Variants in KLF12 observed in about 807,000 individuals in gnomAD.
KLF12 encodes the protein KLF transcription factor 12.
Under a neutral mutation model 37.8 loss-of-function variants are expected in KLF12, and 9 were observed. That is an observed-to-expected ratio of 0.24 (90% CI 0.14 to 0.42). The LOEUF is 0.42. KLF12 is among the 10% of genes least tolerant of loss of function. KLF12 has a pLI of 1.00. For missense variants in KLF12, 411 were observed against 516.0 expected, an observed-to-expected ratio of 0.80 and a Z score of 1.97; for synonymous variants, 208 against 202.1, an observed-to-expected ratio of 1.03 and a Z score of -0.25.
chr13:73,720,380 A>C (rs200381578), intron 6 of KLF12, among the ~76,000 whole-genome samples: 301 of 24,416 alleles, frequency 0.012, 2 homozygotes, highest in African/African-American at 0.022. Flanking sequence ...GGGAATGTGC[A>C]AGTAACTACT....
the KLF12 span, among the ~76,000 whole-genome samples, chr13:74,202,704 T>C: frequency 6.6e-6 from 1 of 152,138 alleles, no homozygotes. Context: ...CTAACCCCCA[T>C]TCCATATCCA....
At chr13:73,905,369 TATG>T (rs1347708774) in intron 3 of KLF12, among the ~76,000 whole-genome samples, 5 of 152,076 alleles carry the variant, frequency 3.3e-5, no homozygotes, top group African/African-American at 1.2e-4. Context: ...TCTGTTGAAA[TATG>T]ATATCATCAT....
intron 3 of KLF12, among the ~76,000 whole-genome samples, chr13:73,893,236 G>A (rs1232419697): frequency 6.6e-6 from 1 of 151,872 alleles, no homozygotes; most frequent in Non-Finnish European, 1.5e-5. Flanking sequence ...CAATCCATGT[G>A]ATCTAATTTA....
At chr13:73,985,029 TCC>T (rs55993900) in intron 2 of KLF12, among the ~76,000 whole-genome samples, 117,890 of 139,884 alleles carry the variant, frequency 0.84, 48,793 homozygotes, top group Non-Finnish European at 0.91. Context: ...CCTGGTGTTA[TCC>T]CCCCACCCAC....
intron 2 of KLF12, among the ~76,000 whole-genome samples, chr13:73,953,581 T>C (rs1004026415): frequency 3.9e-5 from 6 of 152,224 alleles, no homozygotes; most frequent in Non-Finnish European, 8.8e-5. Context: ...TGGTCTTTTG[T>C]GTCAAGAGAA....
the KLF12 span, among the ~76,000 whole-genome samples, chr13:74,158,008 G>T: frequency 4.6e-5 from 7 of 152,080 alleles, no homozygotes; most frequent in Non-Finnish European, 7.4e-5. Flanking sequence ...TTATTCTCAC[G>T]CAAATTTAAA....
chr13:74,280,744 A>T, the KLF12 span, among the ~76,000 whole-genome samples: 1 of 151,738 alleles, frequency 6.6e-6, no homozygotes, highest in East Asian at 1.9e-4. Context: ...TGTTTCGTGA[A>T]TTTTTCTATC....
At chr13:73,959,910 G>T (rs1013903097) in intron 2 of KLF12, among the ~76,000 whole-genome samples, 1 of 152,086 alleles carries the variant, frequency 6.6e-6, no homozygotes, top group Admixed American at 6.5e-5. Context: ...AAAATTGCGG[G>T]ATCAACAGCC....
the KLF12 span, among the ~76,000 whole-genome samples, chr13:74,300,570 A>T: frequency 1.3e-5 from 2 of 152,136 alleles, no homozygotes; most frequent in Non-Finnish European, 2.9e-5. Flanking sequence ...AGAGACAACC[A>T]TCACCTTGCC....
chr13:73,738,143 A>ATGTG (rs1877661452), intron 6 of KLF12, among the ~76,000 whole-genome samples: 5 of 145,792 alleles, frequency 3.4e-5, no homozygotes, highest in Admixed American at 6.9e-5. Flanking sequence ...ACACATATAT[A>ATGTG]TACACACACA....
chr13:74,085,105 A>G (rs1464048848), intron 1 of KLF12, among the ~76,000 whole-genome samples: 1 of 152,158 alleles, frequency 6.6e-6, no homozygotes, highest in Non-Finnish European at 1.5e-5. Context: ...AGTCCTGCAG[A>G]GAAAGACACA....
the KLF12 span, among the ~76,000 whole-genome samples, chr13:74,227,461 A>G: frequency 6.6e-6 from 1 of 152,222 alleles, no homozygotes; most frequent in Non-Finnish European, 1.5e-5. Flanking sequence ...TAAATTTTCT[A>G]CGTCTCTTCA....
chr13:74,276,037 T>C, the KLF12 span, among the ~76,000 whole-genome samples: 1 of 151,652 alleles, frequency 6.6e-6, no homozygotes, highest in Non-Finnish European at 1.5e-5. Context: ...GGCATACATA[T>C]GCCGTGGTGG....
intron 7 of KLF12, among the ~76,000 whole-genome samples, chr13:73,699,278 G>A (rs1221598884): frequency 2.7e-5 from 4 of 148,688 alleles, no homozygotes; most frequent in African/African-American, 7.5e-5. Context: ...CCAGCGATTC[G>A]GGAAGCTGAG....
At chr13:73,751,187 G>C (rs1253672474) in intron 6 of KLF12, among the ~76,000 whole-genome samples, 1 of 152,178 alleles carries the variant, frequency 6.6e-6, no homozygotes, top group Non-Finnish European at 1.5e-5. Context: ...ATTGTGAATA[G>C]TGCTGTGATA....
chr13:73,786,302 C>T (rs552221867), intron 5 of KLF12, among the ~76,000 whole-genome samples: 6 of 152,228 alleles, frequency 3.9e-5, no homozygotes, highest in Non-Finnish European at 8.8e-5. Context: ...CAACCAAGAA[C>T]CCTAAAAACA....
the KLF12 span, among the ~76,000 whole-genome samples, chr13:74,304,610 A>G: frequency 1.3e-5 from 2 of 152,158 alleles, no homozygotes; most frequent in Non-Finnish European, 2.9e-5. Flanking sequence ...AGAAAAATGA[A>G]TTAACTGTGG....
At chr13:73,814,065 T>A (rs752929738) in intron 4 of KLF12, among the ~76,000 whole-genome samples, 2 of 152,246 alleles carry the variant, frequency 1.3e-5, no homozygotes, top group Non-Finnish European at 2.9e-5. Flanking sequence ...CACATATTTT[T>A]AAAAATTACA....
At chr13:74,040,364 A>T (rs933706426) in intron 1 of KLF12, among the ~76,000 whole-genome samples, 4 of 152,202 alleles carry the variant, frequency 2.6e-5, no homozygotes, top group Non-Finnish European at 5.9e-5. Flanking sequence ...TCTATGGAAT[A>T]CGGTACTGTG....
Sources: allele counts gnomAD v4.1 joint callset (sites outside exome capture counted in the v4.1 genomes callset), GRCh38; gene constraint gnomAD v4.1.1; transcripts MANE v1.5; gene names NCBI Gene and HGNC (gene_info 2026-07-23, HGNC 2026-07-21).